The following CDH12 variants were observed in gnomAD, a reference collection of about 807,000 sequenced individuals.
CDH12 encodes the protein cadherin 12.
CDH12 carries 41 observed loss-of-function variants against 74.1 expected under a neutral mutation model. That is an observed-to-expected ratio of 0.55 (90% CI 0.43 to 0.72). The LOEUF is 0.72. CDH12 is among the 30% of genes least tolerant of loss of function. CDH12 has a pLI of 0.00. For missense variants in CDH12, 945 were observed against 977.2 expected, an observed-to-expected ratio of 0.97 and a Z score of 0.44; for synonymous variants, 399 against 355.0, an observed-to-expected ratio of 1.12 and a Z score of -1.39.
intron 4 of CDH12, among the ~76,000 whole-genome samples, chr5:22,149,260 A>G (rs1747414856): frequency 6.6e-6 from 1 of 152,192 alleles, no homozygotes; most frequent in South Asian, 2.1e-4. Flanking sequence ...TTAGAATGTG[A>G]ACATATATTC....
chr5:22,002,313 A>G (rs558061730), intron 5 of CDH12, among the ~76,000 whole-genome samples: 4 of 152,276 alleles, frequency 2.6e-5, no homozygotes, highest in African/African-American at 9.6e-5. Context: ...AGACAAGAAC[A>G]TTTAAAGGGA....
At chr5:22,327,426 CTCTGTGTG>C (rs758459824) in intron 3 of CDH12, among the ~76,000 whole-genome samples, 3,433 of 128,260 alleles carry the variant, frequency 0.027, 45 homozygotes, top group African/African-American at 0.034. Flanking sequence ...AAATTTGTGC[CTCTGTGTG>C]TGTGTGTGTG....
chr5:22,762,160 G>T (rs954193885), intron 1 of CDH12, among the ~76,000 whole-genome samples: 4 of 152,024 alleles, frequency 2.6e-5, no homozygotes, highest in African/African-American at 9.7e-5. Context: ...TGTATGTAAT[G>T]TGTATATGTA....
At chr5:21,919,656 T>A (rs747165420) in intron 6 of CDH12, among the ~76,000 whole-genome samples, 4 of 152,166 alleles carry the variant, frequency 2.6e-5, no homozygotes, top group Non-Finnish European at 5.9e-5. Flanking sequence ...CAGCTGTAGA[T>A]AGACTTGATT....
At chr5:22,474,114 T>A (rs1746073059) in intron 2 of CDH12, among the ~76,000 whole-genome samples, 1 of 152,158 alleles carries the variant, frequency 6.6e-6, no homozygotes, top group African/African-American at 2.4e-5. Context: ...CAAGGTATGA[T>A]GTGATACTGC....
At chr5:22,171,120 T>C (rs1749005048) in intron 4 of CDH12, among the ~76,000 whole-genome samples, 1 of 151,892 alleles carries the variant, frequency 6.6e-6, no homozygotes. Context: ...CATGGTCCAC[T>C]GAACAGCATC....
At chr5:22,197,288 C>CAA (rs566843919) in intron 4 of CDH12, among the ~76,000 whole-genome samples, 6 of 147,894 alleles carry the variant, frequency 4.1e-5, no homozygotes, top group South Asian at 4.3e-4. Context: ...ACTAAAAATA[C>CAA]AAAAAAAAAA....
intron 3 of CDH12, among the ~76,000 whole-genome samples, chr5:22,369,139 T>C (rs1190452395): frequency 2.0e-5 from 3 of 149,974 alleles, no homozygotes; most frequent in Non-Finnish European, 3.0e-5. Context: ...AATAAATAAA[T>C]AAATGAATGA....
intron 2 of CDH12, among the ~76,000 whole-genome samples, chr5:22,447,879 T>C (rs1744882947): frequency 1.3e-5 from 2 of 151,218 alleles, no homozygotes. Context: ...TGGTGGCTCA[T>C]GCCTGTAATA....
chr5:22,415,878 A>C (rs1218353937), intron 2 of CDH12, among the ~76,000 whole-genome samples: 1 of 152,034 alleles, frequency 6.6e-6, no homozygotes, highest in Non-Finnish European at 1.5e-5. Context: ...AATTGTCAGC[A>C]AAGACTTGAT....
chr5:22,428,564 T>C (rs1185615106), intron 2 of CDH12, among the ~76,000 whole-genome samples: 1 of 152,164 alleles, frequency 6.6e-6, no homozygotes, highest in African/African-American at 2.4e-5. Context: ...CTGATGTGAC[T>C]AGATCAACGA....
At chr5:21,976,486 A>G (rs1178322880) in intron 5 of CDH12, among the ~76,000 whole-genome samples, 2 of 150,536 alleles carry the variant, frequency 1.3e-5, no homozygotes, top group African/African-American at 2.4e-5. Context: ...AGTGCATCAT[A>G]TATAATTTTC....
At chr5:22,065,062 T>C (rs1741463283) in intron 5 of CDH12, among the ~76,000 whole-genome samples, 1 of 152,128 alleles carries the variant, frequency 6.6e-6, no homozygotes, top group African/African-American at 2.4e-5. Flanking sequence ...CTTAACTCCA[T>C]CTTGGGAGAT....
At chr5:22,320,937 T>C (rs1738851195) in intron 3 of CDH12, among the ~76,000 whole-genome samples, 1 of 152,182 alleles carries the variant, frequency 6.6e-6, no homozygotes, top group African/African-American at 2.4e-5. Context: ...TGTATCACAG[T>C]TCAACTATAT....
intron 3 of CDH12, among the ~76,000 whole-genome samples, chr5:22,248,260 T>C (rs1401219191): frequency 6.6e-6 from 1 of 152,066 alleles, no homozygotes; most frequent in Admixed American, 6.6e-5. Context: ...GATTGCACCA[T>C]TGCGCTATAG....
At chr5:22,481,232 T>A (rs1746371194) in intron 2 of CDH12, among the ~76,000 whole-genome samples, 1 of 152,210 alleles carries the variant, frequency 6.6e-6, no homozygotes, top group South Asian at 2.1e-4. Context: ...AAATGGGAAC[T>A]CTTGTACACT....
At chr5:22,278,499 A>G (rs1736735871) in intron 3 of CDH12, among the ~76,000 whole-genome samples, 1 of 152,208 alleles carries the variant, frequency 6.6e-6, no homozygotes, top group African/African-American at 2.4e-5. Flanking sequence ...AAATCTGCTG[A>G]AAGAGGAATA....
chr5:22,743,700 T>C (rs950176070), intron 1 of CDH12, among the ~76,000 whole-genome samples: 1 of 152,216 alleles, frequency 6.6e-6, no homozygotes, highest in Admixed American at 6.5e-5. Context: ...GCATATTAAC[T>C]TATTAAAGAC....
intron 5 of CDH12, among the ~76,000 whole-genome samples, chr5:22,024,686 TG>T (rs1159583863): frequency 6.6e-6 from 1 of 152,002 alleles, no homozygotes; most frequent in East Asian, 1.9e-4. Flanking sequence ...CTAATTTTTT[TG>T]TATTTTAGTA....
Sources: allele counts gnomAD v4.1 joint callset (sites outside exome capture counted in the v4.1 genomes callset), GRCh38; gene constraint gnomAD v4.1.1; transcripts MANE v1.5; gene names NCBI Gene and HGNC (gene_info 2026-07-23, HGNC 2026-07-21).